SLC19A3: variants seen among roughly 807,000 people sequenced by gnomAD.
SLC19A3 encodes thiamine transporter 2.
Under a neutral mutation model 40.2 loss-of-function variants are expected in SLC19A3, and 31 were observed. The ratio of observed to expected loss-of-function variants is 0.77; its 90% CI spans 0.58 to 1.04. The LOEUF is 1.04. Among genes scored for constraint, SLC19A3 ranks in the 50% least tolerant of loss-of-function variants. The pLI is 0.00. For synonymous variants in SLC19A3, 212 were observed against 227.5 expected (o/e 0.93, Z 0.61); for missense variants, 592 against 596.7 (o/e 0.99, Z 0.08).
At chr2:227,708,754 C>T (rs1161701071) in intron 1 of SLC19A3, among the ~76,000 whole-genome samples, 1 of 152,104 alleles carries the variant, frequency 6.6e-6, no homozygotes, top group East Asian at 1.9e-4. Flanking sequence ...ATTTGTCATC[C>T]TAATTCTGTA....
chr2:227,699,337 G>A lies in SLC19A3; in HGVS notation c.378C>T (p.Tyr126=). The A allele has an allele frequency of 6.2e-7, 1 of 1,614,188 alleles. No homozygotes were observed. The highest frequency in any genetic ancestry group is 8.5e-7 in the Non-Finnish European group (1 of 1,180,038). The change falls in exon 3 of 6, where the codon TAC becomes TAT. Residue 126 remains tyrosine (Y), a synonymous_variant. Coordinates refer to ENST00000644224, the MANE Select transcript of SLC19A3 (RefSeq NM_025243.4). The stretch of plus-strand genomic sequence containing the variant: ...GCTCGGGGCTGACCACGCTGTATAT[G>A]TAGGCGTAGTAGGCCACCTCGGCGG... ...VTAAEVAYYA[Y]IYSVVSPEHY...
intron 1 of SLC19A3, among the ~76,000 whole-genome samples, chr2:227,714,789 C>T (rs1233935496): frequency 6.7e-6 from 1 of 148,270 alleles, no homozygotes; most frequent in African/African-American, 2.5e-5. Context: ...ATGAATAACA[C>T]CTTTCCCTGA....
chr2:227,696,215 G>C, intron 3 of SLC19A3, 134 bp from the exon 4 acceptor site: 1 of 811,238 alleles, frequency 1.2e-6, no homozygotes, highest in East Asian at 2.7e-5. Context: ...TTGTGTGATC[G>C]ACCTGAATGT....
At chr2:227,715,033 T>A (rs1696285962) in intron 1 of SLC19A3, among the ~76,000 whole-genome samples, 1 of 152,042 alleles carries the variant, frequency 6.6e-6, no homozygotes. Context: ...TTGGTCAGGC[T>A]GGTTTTGAAC....
intron 1 of SLC19A3, 154 bp from the exon 2 acceptor site, chr2:227,702,474 A>G (rs1276036240): frequency 2.8e-6 from 2 of 707,288 alleles, no homozygotes; most frequent in Non-Finnish European, 4.7e-6. Flanking sequence ...GCCCATTGCA[A>G]CCTGTGCCTC....
chr2:227,693,342 T>C (rs1695305316), intron 4 of SLC19A3, among the ~76,000 whole-genome samples: 1 of 152,074 alleles, frequency 6.6e-6, no homozygotes, highest in South Asian at 2.1e-4. Flanking sequence ...TATAGAGCTA[T>C]AGTAACCAAA....
At chr2:227,706,341 C>T in intron 1 of SLC19A3, 1 of 1,231,602 alleles carries the variant, frequency 8.1e-7, no homozygotes, top group African/African-American at 1.5e-5. Context: ...TTTACCTTTC[C>T]CCTTCATTTT....
At position 227,688,248 on chromosome 2, in the gene SLC19A3, G is replaced by A. The variant is rs769334251; in HGVS notation, c.1232C>T (p.Thr411Ile). Reference protein sequence around the residue: ...ERYALVFGINTFIALVIQTIM... With the variant: ...ERYALVFGINIFIALVIQTIM... ...GGTCTGAATCACCAAGGCAATAAAGGTGTTGATTCCAAATACCAAGGCATA... is the reference window on the plus strand; with the variant it reads ...GGTCTGAATCACCAAGGCAATAAAGATGTTGATTCCAAATACCAAGGCATA... The change falls in exon 5 of 6, where the codon ACC (threonine) becomes ATC (isoleucine). Residue 411 changes from threonine (T) to isoleucine (I), a missense_variant. Transcript: ENST00000644224. The A allele has an allele frequency of 5.0e-6, 8 of 1,613,938 alleles. No homozygotes were observed. Among genetic ancestry groups the A allele is most frequent in the Admixed American group, 1.7e-5 (1 of 60,000 alleles).
In SLC19A3 at chr2:227,706,227, C is replaced by T. The variant is rs966576023; in HGVS notation, c.-2-3907G>A. ...TCCATTTTGATCCCGTCATATTATCCGCCTCTAAAAAAGTGCTCTAAACGT... is the reference window on the plus strand; with the variant it reads ...TCCATTTTGATCCCGTCATATTATCTGCCTCTAAAAAAGTGCTCTAAACGT... On this transcript the variant is annotated intron_variant, in intron 1 of 5. Coordinates refer to ENST00000644224, the MANE Select transcript of SLC19A3 (RefSeq NM_025243.4). The T allele has an allele frequency of 1.9e-5, 16 of 843,376 alleles. No homozygotes were observed. The South Asian group carries it at 2.4e-4, about 13-fold the overall frequency. 52.2% of individuals were successfully genotyped at this position (843,376 alleles called of 1,614,324 possible). A position where few individuals can be genotyped will look rare whatever the true frequency, so the allele number is the denominator to read the frequency against.
In SLC19A3 at chr2:227,703,407, C is replaced by T. The variant is rs1199424944; in HGVS notation, c.-2-1087G>A. Among the ~76,000 whole-genome samples, 2 of 152,114 alleles carry T rather than the reference C, an allele frequency of 1.3e-5. No homozygotes were observed. Among genetic ancestry groups the T allele is most frequent in the Non-Finnish European group, 2.9e-5 (2 of 68,022 alleles). ...CGGCTTGCCACTCACCCTACCCTTT[C>T]CCAAGGTGACCCCGACAGCTGCATA... On this transcript the variant is annotated intron_variant, in intron 1 of 5. Transcript: ENST00000644224. This position sits in a 1 kb window ranked among gnomAD's most constrained non-coding sequence, Gnocchi z 4.7.
intron 4 of SLC19A3, among the ~76,000 whole-genome samples, chr2:227,690,231 A>G (rs951476881): frequency 4.6e-5 from 7 of 152,182 alleles, no homozygotes; most frequent in African/African-American, 1.7e-4. Context: ...TTTTACCTAT[A>G]GAGACATACA....
intron 1 of SLC19A3, among the ~76,000 whole-genome samples, chr2:227,715,386 A>G (rs1020885302): frequency 1.2e-4 from 18 of 152,000 alleles, no homozygotes; most frequent in Non-Finnish European, 2.4e-4. Flanking sequence ...AACAAGTGAT[A>G]TTTTTAAAAT....
In SLC19A3 at chr2:227,702,217, G is replaced by A. The variant is rs1427604845; in HGVS notation, c.102C>T (p.Phe34=). Residue 34 remains phenylalanine (F), a synonymous_variant, in exon 2 of 6, where the codon TTC becomes TTT. Transcript: ENST00000644224. The stretch of plus-strand genomic sequence containing the variant: ...CTGGTCCAGATAAATATGGGATAAG[G>A]AATGGTTCTGAGGGTCTCATCATGG... The part of the protein sequence containing the change: ...FFSMMRPSEP[F]LIPYLSGPDK... The A allele has an allele frequency of 1.2e-6, 2 of 1,613,774 alleles. No homozygotes were observed. Among genetic ancestry groups the A allele is most frequent in the Non-Finnish European group, 8.5e-7 (1 of 1,179,744 alleles).
chr2:227,692,521 T>C (rs1373852126), intron 4 of SLC19A3, among the ~76,000 whole-genome samples: 2 of 152,102 alleles, frequency 1.3e-5, no homozygotes, highest in Non-Finnish European at 2.9e-5. Context: ...CTAAATACCC[T>C]CAAAAAACTG....
In SLC19A3 at chr2:227,703,529, G is replaced by A. The variant is rs1695796256; in HGVS notation, c.-2-1209C>T. 6.6e-6 allele frequency among the ~76,000 whole-genome samples: 1 copy of A among 152,156 alleles called. No individual in the cohort carries two copies. Among genetic ancestry groups the A allele is most frequent in the Admixed American group, 6.6e-5 (1 of 15,262 alleles). On this transcript the variant is annotated intron_variant, in intron 1 of 5. Transcript: ENST00000644224. This position sits in a 1 kb window ranked among gnomAD's most constrained non-coding sequence, Gnocchi z 4.7. ...CAAGAGCGATCAGATTTTGAAACTA[G>A]GATTACAGCATCAGTGAGCAATGCT...
At chr2:227,712,851 A>C (rs997551464) in intron 1 of SLC19A3, among the ~76,000 whole-genome samples, 1 of 152,182 alleles carries the variant, frequency 6.6e-6, no homozygotes, top group African/African-American at 2.4e-5. Flanking sequence ...TAAAGTCCTA[A>C]AACAAGCAAA....
chr2:227,700,849 T>C, intron 2 of SLC19A3: 2 of 1,063,142 alleles, frequency 1.9e-6, no homozygotes, highest in Admixed American at 2.5e-5. Flanking sequence ...TTGGAAGGAC[T>C]GGAGTTGCTG....
chr2:227,712,944 G>A (rs925541105), intron 1 of SLC19A3, among the ~76,000 whole-genome samples: 3 of 152,024 alleles, frequency 2.0e-5, no homozygotes, highest in Non-Finnish European at 4.4e-5. Flanking sequence ...AGAGCGCAGG[G>A]GAACTTCCTG....
Position 227,686,044 on chromosome 2 carries a change from A to G in SLC19A3, c.*1353T>C. The stretch of plus-strand genomic sequence containing the variant: ...AAACCCCATCTCCACTAAAAATACA[A>G]AAATTAGCCAGGCGTGGTGGTGTGC... On this transcript the variant is annotated 3_prime_UTR_variant, in exon 6 of 6. Coordinates refer to ENST00000644224, the MANE Select transcript of SLC19A3 (RefSeq NM_025243.4). The G allele has an allele frequency of 3.1e-6, 1 of 326,044 alleles. No individual in the cohort carries two copies. The highest frequency in any genetic ancestry group is 6.2e-6 in the Non-Finnish European group (1 of 161,812). The allele number at this position is 326,044 out of a possible 1,614,324, so 20.2% of individuals were successfully genotyped here. A position where few individuals can be genotyped will look rare whatever the true frequency, so the allele number is the denominator to read the frequency against.
Sources: allele counts gnomAD v4.1 joint callset (sites outside exome capture counted in the v4.1 genomes callset), GRCh38; gene constraint gnomAD v4.1.1; non-coding constraint Gnocchi (gnomAD v3.1); transcripts MANE v1.5; gene names NCBI Gene and HGNC (gene_info 2026-07-23, HGNC 2026-07-21).